Variants in ADAMTSL1 observed in about 807,000 individuals in gnomAD.
The protein encoded by ADAMTSL1 is ADAMTS-like protein 1.
ADAMTSL1 carries 126 observed loss-of-function variants against 201.8 expected under a neutral mutation model. The ratio of observed to expected loss-of-function variants is 0.62; its 90% CI spans 0.54 to 0.72. The LOEUF (loss-of-function observed/expected upper bound fraction) is 0.72. Among genes scored for constraint, ADAMTSL1 ranks in the 30% least tolerant of loss-of-function variants. ADAMTSL1 has a pLI of 0.00. For missense variants in ADAMTSL1, 2,679 were observed against 2,277.8 expected (o/e 1.18, Z -3.59); for synonymous variants, 1,121 against 903.4 (o/e 1.24, Z -4.32).
intron 3 of ADAMTSL1, among the ~76,000 whole-genome samples, chr9:18,554,898 G>C (rs778456018): frequency 6.6e-6 from 1 of 151,246 alleles, no homozygotes; most frequent in South Asian, 2.1e-4. Context: ...CATAGTTTAC[G>C]TCAAGGTTTA....
At chr9:18,361,390 C>T (rs959111446) in intron 2 of ADAMTSL1, among the ~76,000 whole-genome samples, 2 of 152,148 alleles carry the variant, frequency 1.3e-5, no homozygotes, top group African/African-American at 4.8e-5. Flanking sequence ...TTTTCAACAA[C>T]AGTTTTGTCA....
chr9:18,532,640 T>G (rs1187426232), intron 2 of ADAMTSL1, among the ~76,000 whole-genome samples: 1 of 151,934 alleles, frequency 6.6e-6, no homozygotes, highest in Non-Finnish European at 1.5e-5. Context: ...TTTTTTTTAT[T>G]TATACTGGAA....
At chr9:18,192,683 AC>A (rs1829016343) in intron 2 of ADAMTSL1, among the ~76,000 whole-genome samples, 1 of 152,108 alleles carries the variant, frequency 6.6e-6, no homozygotes, top group Non-Finnish European at 1.5e-5. Flanking sequence ...TCAGTACTAC[AC>A]TTTTACTAGA....
rs756550894 is a variant in ADAMTSL1 at position 18,657,730 on chromosome 9, G to C, written c.926G>C (p.Cys309Ser). Residue 309 changes from cysteine (C) to serine (S), a missense_variant, in exon 8 of 29, where the codon TGC becomes TCC. Cys to Ser is a moderately radical substitution (Grantham distance 112). Transcript: ENST00000380548. The part of the protein sequence containing the change: ...HRWRETDFFP[C>S]SATCGGGYQL... ...TGGAGGGAGACGGATTTCTTTCCTTGCTCAGCAACCTGTGGAGGAGGTAAT... is the reference window on the plus strand; with the variant it reads ...TGGAGGGAGACGGATTTCTTTCCTTCCTCAGCAACCTGTGGAGGAGGTAAT... 6.2e-7 allele frequency: 1 copy of C among 1,613,920 alleles called. No individual in the cohort carries two copies. The highest frequency in any genetic ancestry group is 8.5e-7 in the Non-Finnish European group (1 of 1,179,840).
At chr9:18,487,171 A>C (rs1299473110) in intron 1 of ADAMTSL1, among the ~76,000 whole-genome samples, 1 of 152,206 alleles carries the variant, frequency 6.6e-6, no homozygotes, top group South Asian at 2.1e-4. Context: ...AATAACTCCT[A>C]AGTTATACTA....
chr9:18,494,070 A>G (rs1315336146), intron 1 of ADAMTSL1, among the ~76,000 whole-genome samples: 4 of 152,154 alleles, frequency 2.6e-5, no homozygotes, highest in Non-Finnish European at 5.9e-5. Context: ...CTCAAAACAC[A>G]CAGGATGGCT....
At chr9:18,406,087 C>T (rs1023887272) in intron 2 of ADAMTSL1, among the ~76,000 whole-genome samples, 7 of 152,160 alleles carry the variant, frequency 4.6e-5, no homozygotes, top group South Asian at 2.1e-4. Context: ...GCAGTCCAGT[C>T]GTGTTTTAGA....
intron 21 of ADAMTSL1, among the ~76,000 whole-genome samples, chr9:18,818,705 C>T (rs1256301273): frequency 6.6e-6 from 1 of 151,930 alleles, no homozygotes; most frequent in African/African-American, 2.4e-5. Context: ...ATGGGAGGAT[C>T]GTTTGAGCCC....
chr9:18,521,883 C>A lies in ADAMTSL1; in HGVS notation c.192-11364C>A, dbSNP rs114010976. 1.7e-3 allele frequency among the ~76,000 whole-genome samples: 262 copies of A among 152,256 alleles called. 1 individual carries two copies. The highest frequency in any genetic ancestry group is 6.1e-3 in the African/African-American group (253 of 41,546). ...GGACTTGTGAAACCCACAGGGATGGCTTGTCATCTAACTCCTCTTTCTCTC... is the reference window on the plus strand; with the variant it reads ...GGACTTGTGAAACCCACAGGGATGGATTGTCATCTAACTCCTCTTTCTCTC... On this transcript the variant is annotated intron_variant, in intron 2 of 28. Coordinates refer to ENST00000380548, the MANE Select transcript of ADAMTSL1 (RefSeq NM_001040272.6).
chr9:18,784,904 G>A (rs528647282), intron 19 of ADAMTSL1, among the ~76,000 whole-genome samples: 2 of 152,286 alleles, frequency 1.3e-5, no homozygotes, highest in East Asian at 1.9e-4. Context: ...GGTGGCTCAC[G>A]CCTGTAATCC....
intron 26 of ADAMTSL1, among the ~76,000 whole-genome samples, chr9:18,900,432 C>T (rs1211283450): frequency 6.6e-6 from 1 of 152,034 alleles, no homozygotes; most frequent in African/African-American, 2.4e-5. Context: ...ACTGGGTATA[C>T]ACCTAAAGGA....
intron 23 of ADAMTSL1, among the ~76,000 whole-genome samples, chr9:18,878,751 G>T (rs1462295013): frequency 1.3e-5 from 2 of 152,216 alleles, no homozygotes; most frequent in Non-Finnish European, 2.9e-5. Context: ...CACAATGTGA[G>T]TCTTCACATG....
intron 1 of ADAMTSL1, among the ~76,000 whole-genome samples, chr9:18,015,660 T>A (rs1183581998): frequency 6.6e-6 from 1 of 152,072 alleles, no homozygotes; most frequent in East Asian, 1.9e-4. Context: ...TGTAATGTCC[T>A]GCGCTTATTA....
At chr9:18,463,710 C>T (rs576060697) in intron 2 of ADAMTSL1, among the ~76,000 whole-genome samples, 1 of 152,156 alleles carries the variant, frequency 6.6e-6, no homozygotes. Context: ...GAGTAATATC[C>T]CATTGTATGT....
At position 18,356,604 on chromosome 9, in the gene ADAMTSL1, A is replaced by AACACACACACAC. The variant is rs67090987; in HGVS notation, c.208-148203_208-148192dup. 2.5e-3 allele frequency among the ~76,000 whole-genome samples: 353 copies of AACACACACACAC among 143,544 alleles called. 1 individual carries two copies. Among genetic ancestry groups the AACACACACACAC allele is most frequent in the East Asian group, 0.01 (50 of 4,884 alleles). 94.2% of individuals were successfully genotyped at this position (143,544 alleles called of 152,430 possible). A position where few individuals can be genotyped will look rare whatever the true frequency, so the allele number is the denominator to read the frequency against. On this transcript the variant is annotated intron_variant, in intron 2 of 29. Coordinates refer to the ADAMTSL1 transcript ENST00000680146. ...TATGCAGCTACTCAATACACAATAAAACACACACACACACACACACACACA... is the reference window on the plus strand; with the variant it reads ...TATGCAGCTACTCAATACACAATAAAACACACACACACACACACACACACACACACACACACA...
At chr9:18,586,801 G>A (rs1368378868) in intron 4 of ADAMTSL1, among the ~76,000 whole-genome samples, 2 of 152,088 alleles carry the variant, frequency 1.3e-5, no homozygotes, top group African/African-American at 2.4e-5. Context: ...ACACACCTAT[G>A]ACCGTCTGAT....
At chr9:18,472,294 A>T (rs1418423804), upstream of ADAMTSL1, among the ~76,000 whole-genome samples, 1 of 152,222 alleles carries the variant, frequency 6.6e-6, no homozygotes, top group Admixed American at 6.5e-5. Context: ...TGGAAAGACA[A>T]AGTTAAGCAT....
At chr9:18,454,558 A>G (rs1028917926) in intron 2 of ADAMTSL1, among the ~76,000 whole-genome samples, 5 of 152,158 alleles carry the variant, frequency 3.3e-5, no homozygotes, top group Non-Finnish European at 7.3e-5. Context: ...AAATGTCTCG[A>G]TATGTCTGGG....
At chr9:18,263,915 CA>C (rs1234506196) in intron 2 of ADAMTSL1, among the ~76,000 whole-genome samples, 1 of 151,784 alleles carries the variant, frequency 6.6e-6, no homozygotes, top group Non-Finnish European at 1.5e-5. Context: ...AGAACTGTGA[CA>C]AAAAAAATGT....
Sources: allele counts gnomAD v4.1 joint callset (sites outside exome capture counted in the v4.1 genomes callset), GRCh38; gene constraint gnomAD v4.1.1; transcripts MANE v1.5; gene names NCBI Gene and HGNC (gene_info 2026-07-23, HGNC 2026-07-21).